BAZ2B: variants seen among roughly 807,000 people sequenced by gnomAD.
The protein encoded by BAZ2B is bromodomain adjacent to zinc finger domain protein 2B.
A neutral mutation model predicts 246.0 loss-of-function variants in BAZ2B; 91 were observed. That is an observed-to-expected ratio of 0.37 (90% CI 0.31 to 0.44). The LOEUF (loss-of-function observed/expected upper bound fraction) is 0.44, where lower values mean the gene tolerates loss of function less well. BAZ2B is among the 20% of genes least tolerant of loss of function. BAZ2B has a pLI of 1.00. For synonymous variants in BAZ2B, 855 were observed against 860.0 expected (o/e 0.99, Z 0.10); for missense variants, 2,332 against 2,533.7 (o/e 0.92, Z 1.71).
chr2:159,527,620 G>T (rs1013727116), intron 2 of BAZ2B, among the ~76,000 whole-genome samples: 7 of 152,070 alleles, frequency 4.6e-5, no homozygotes, highest in African/African-American at 1.7e-4. Context: ...TGAGCTACAG[G>T]AGAAGAAGAA....
the BAZ2B span, among the ~76,000 whole-genome samples, chr2:159,676,978 ATATATATAT>A: frequency 7.5e-6 from 1 of 132,756 alleles, no homozygotes; most frequent in African/African-American, 2.7e-5. Context: ...ATATATATAT[ATATATATAT>A]ATATATATTA....
At chr2:159,395,100 T>TA (rs11430834) in intron 20 of BAZ2B, among the ~76,000 whole-genome samples, 8,744 of 152,086 alleles carry the variant, frequency 0.057, 350 homozygotes, top group Middle Eastern at 0.14. Context: ...ATCTCAATTT[T>TA]AAAAAAATGG....
the BAZ2B span, among the ~76,000 whole-genome samples, chr2:159,622,143 C>A: frequency 1.3e-5 from 2 of 149,642 alleles, no homozygotes; most frequent in African/African-American, 2.5e-5. Context: ...GTGGTGCATG[C>A]ATGTAGTCCT....
chr2:159,540,118 C>T (rs886286235), intron 2 of BAZ2B, among the ~76,000 whole-genome samples: 3 of 152,158 alleles, frequency 2.0e-5, no homozygotes, highest in African/African-American at 4.8e-5. Flanking sequence ...ACAGAAGAAA[C>T]TTCATCTTAT....
chr2:159,339,692 A>G (rs184199455), intron 31 of BAZ2B, among the ~76,000 whole-genome samples: 1 of 152,188 alleles, frequency 6.6e-6, no homozygotes, highest in Admixed American at 6.6e-5. Flanking sequence ...AGATGAATGG[A>G]TAAAGAAAAT....
At chr2:159,671,938 A>G in the BAZ2B span, among the ~76,000 whole-genome samples, 1 of 152,196 alleles carries the variant, frequency 6.6e-6, no homozygotes, top group East Asian at 1.9e-4. Context: ...CATGTTGTCA[A>G]ACTTTAGCAT....
chr2:159,374,369 T>C (rs2061191210), intron 26 of BAZ2B, among the ~76,000 whole-genome samples: 1 of 152,190 alleles, frequency 6.6e-6, no homozygotes, highest in South Asian at 2.1e-4. Flanking sequence ...AATAAAACTA[T>C]GCCTTAATTG....
chr2:159,344,760 G>A (rs1377511353), intron 31 of BAZ2B, among the ~76,000 whole-genome samples: 1 of 152,058 alleles, frequency 6.6e-6, no homozygotes, highest in Non-Finnish European at 1.5e-5. Context: ...TTTAAGTGAA[G>A]TAAGCCAGGC....
chr2:159,315,939 C>G (rs1472568783), downstream of BAZ2B, among the ~76,000 whole-genome samples: 3 of 152,068 alleles, frequency 2.0e-5, no homozygotes, highest in African/African-American at 4.8e-5. Context: ...AACCAATGAA[C>G]TAGAGTTACA....
chr2:159,569,023 G>T lies in BAZ2B; in HGVS notation c.-45-13158C>A, dbSNP rs181685658. The stretch of plus-strand genomic sequence containing the variant: ...TGATCTTTTTTTTCTACTTATTGAT[G>T]CACTGGCAGCATTTACTAAATAACA... On this transcript the variant is annotated intron_variant, in intron 1 of 36. Coordinates refer to ENST00000392783, the MANE Select transcript of BAZ2B (RefSeq NM_013450.4). Among the ~76,000 whole-genome samples the T allele has an allele frequency of 5.9e-5, 6 of 102,502 alleles. No homozygotes were observed. The East Asian group carries it at 2.6e-3, about 44-fold the overall frequency. The allele number at this position is 102,502 out of a possible 152,430, so 67.2% of individuals were successfully genotyped here. A position where few individuals can be genotyped will look rare whatever the true frequency, so the allele number is the denominator to read the frequency against.
chr2:159,661,795 G>A, the BAZ2B span, among the ~76,000 whole-genome samples: 1 of 149,058 alleles, frequency 6.7e-6, no homozygotes, highest in South Asian at 2.1e-4. Flanking sequence ...TTTTTTAATT[G>A]AGACAAGGTC....
chr2:159,382,305 G>T (rs1002228028), intron 25 of BAZ2B, among the ~76,000 whole-genome samples: 2 of 152,108 alleles, frequency 1.3e-5, no homozygotes, highest in Non-Finnish European at 2.9e-5. Context: ...GAATTCTCAA[G>T]AAATTATATT....
At chr2:159,324,128 T>C (rs147074648) in intron 36 of BAZ2B, among the ~76,000 whole-genome samples, 1,750 of 151,948 alleles carry the variant, frequency 0.012, 20 homozygotes, top group South Asian at 0.047. Context: ...AAAGAATGTA[T>C]AGGAAGAACT....
chr2:159,465,876 T>C (rs1315447838), intron 3 of BAZ2B, among the ~76,000 whole-genome samples: 1 of 150,916 alleles, frequency 6.6e-6, no homozygotes, highest in Non-Finnish European at 1.5e-5. Flanking sequence ...ATTGCACCAC[T>C]GCACTCCAGC....
intron 2 of BAZ2B, among the ~76,000 whole-genome samples, chr2:159,486,208 G>A (rs1008421608): frequency 3.9e-5 from 6 of 151,976 alleles, no homozygotes; most frequent in Non-Finnish European, 4.4e-5. Flanking sequence ...TGTATGGTTA[G>A]CTGATCCTTT....
intron 1 of BAZ2B, among the ~76,000 whole-genome samples, chr2:159,569,794 C>T (rs970056718): frequency 6.6e-6 from 1 of 151,862 alleles, no homozygotes; most frequent in Admixed American, 6.6e-5. Context: ...CAGTGCACTC[C>T]AGCCTGGGTG....
intron 2 of BAZ2B, among the ~76,000 whole-genome samples, chr2:159,546,303 T>TA (rs1015736632): frequency 2.0e-5 from 3 of 151,772 alleles, no homozygotes; most frequent in African/African-American, 7.3e-5. Context: ...CTGATGGTTT[T>TA]AAAAACGGGA....
In BAZ2B at chr2:159,405,058, G is replaced by A. The variant is rs748833804; in HGVS notation, c.2734C>T (p.Gln912Ter). ...KLLRKLQKQE[Q>*]ARVAKEAKKQ... is the part of the protein sequence containing the mutation. ...TTGGCTTCTTTAGCAACCCGAGCCTGTTCCTGCTTTTGAAGTTTTCTCAAA... is the reference window on the plus strand; with the variant it reads ...TTGGCTTCTTTAGCAACCCGAGCCTATTCCTGCTTTTGAAGTTTTCTCAAA... Residue 912 changes from glutamine (Q) to a stop codon, truncating the protein, a stop_gained, in exon 15 of 37, where the codon CAG becomes TAG. Transcript: ENST00000392783. LOFTEE classifies it high-confidence loss of function. 6.2e-7 allele frequency: 1 copy of A among 1,614,066 alleles called. No homozygotes were observed. The highest frequency in any genetic ancestry group is 8.5e-7 in the Non-Finnish European group (1 of 1,179,978).
intron 18 of BAZ2B, 140 bp downstream of exon 18, chr2:159,398,689 A>C: frequency 1.4e-6 from 1 of 694,550 alleles, no homozygotes; most frequent in Non-Finnish European, 2.3e-6. Context: ...AAAAACATAC[A>C]CTATACACAT....
Sources: gnomAD v4.1 joint callset for allele counts (sites outside exome capture counted in the v4.1 genomes callset) on GRCh38, gnomAD v4.1.1 for gene constraint, MANE v1.5 for transcripts, NCBI Gene and HGNC (gene_info 2026-07-23, HGNC 2026-07-21) for gene names.